The following CCDC85A variants were observed in gnomAD, a reference collection of about 807,000 sequenced individuals.
The protein encoded by CCDC85A is coiled-coil domain-containing protein 85A.
CCDC85A carries 38 observed loss-of-function variants against 50.2 expected under a neutral mutation model. That is an observed-to-expected ratio of 0.76 (90% CI 0.58 to 0.99). The LOEUF (loss-of-function observed/expected upper bound fraction) is 0.99. Ranked by LOEUF, CCDC85A falls within the 50% of genes least tolerant of loss-of-function variation. The pLI, the probability that CCDC85A is intolerant of heterozygous loss-of-function variation, is 0.00. For synonymous variants in CCDC85A, 366 were observed against 301.4 expected (o/e 1.21, Z -2.22); for missense variants, 820 against 742.0 (o/e 1.11, Z -1.22).
chr2:56,354,308 C>G (rs1000163977), intron 3 of CCDC85A, among the ~76,000 whole-genome samples: 2 of 152,086 alleles, frequency 1.3e-5, no homozygotes, highest in Non-Finnish European at 2.9e-5. Flanking sequence ...AAAGAGACGA[C>G]AAAGACATGA....
At chr2:56,250,764 T>C (rs1043905683) in intron 2 of CCDC85A, among the ~76,000 whole-genome samples, 3 of 152,204 alleles carry the variant, frequency 2.0e-5, no homozygotes, top group Non-Finnish European at 4.4e-5. Context: ...AAGTCTCTGT[T>C]CATTGAGTTA....
At chr2:56,255,030 G>A (rs1005014407) in intron 2 of CCDC85A, among the ~76,000 whole-genome samples, 18 of 152,120 alleles carry the variant, frequency 1.2e-4, no homozygotes, top group African/African-American at 3.9e-4. Flanking sequence ...CTGGGACACC[G>A]CTGATGAAGG....
rs117584579 is a variant in CCDC85A at position 56,307,067 on chromosome 2, G to A, written c.1241-35812G>A. On this transcript the variant is annotated intron_variant, in intron 2 of 5. Transcript: ENST00000407595. ...GATTAAGCATTTTATAAAAATTCAG[G>A]AACTACAGCCCAAATCAGAAAAATC... Among the ~76,000 whole-genome samples the A allele has an allele frequency of 1.3e-3, 199 of 152,036 alleles. 3 individuals are homozygous for A. The East Asian group carries it at 0.035, about 27-fold the overall frequency.
chr2:56,217,969 G>A (rs1400916267), intron 2 of CCDC85A, among the ~76,000 whole-genome samples: 1 of 151,786 alleles, frequency 6.6e-6, no homozygotes, highest in Non-Finnish European at 1.5e-5. Context: ...TTATGGAAAA[G>A]CATCATTGAA....
chr2:56,381,003 C>T (rs1041261986), intron 5 of CCDC85A, among the ~76,000 whole-genome samples: 14 of 152,068 alleles, frequency 9.2e-5, no homozygotes, highest in East Asian at 1.9e-4. Context: ...CAGACACTTA[C>T]GCATCAACCT....
intron 2 of CCDC85A, among the ~76,000 whole-genome samples, chr2:56,272,490 G>T (rs951981405): frequency 6.6e-6 from 1 of 152,116 alleles, no homozygotes; most frequent in Non-Finnish European, 1.5e-5. Flanking sequence ...ACCTAACATG[G>T]TCATGTGATA....
intron 2 of CCDC85A, among the ~76,000 whole-genome samples, chr2:56,237,584 G>A (rs1311382125): frequency 2.0e-5 from 3 of 152,048 alleles, no homozygotes; most frequent in South Asian, 2.1e-4. Context: ...GTACTTTATC[G>A]TCCCTATTTT....
At chr2:56,298,987 A>G (rs1459094489) in intron 2 of CCDC85A, among the ~76,000 whole-genome samples, 1 of 152,176 alleles carries the variant, frequency 6.6e-6, no homozygotes, top group Non-Finnish European at 1.5e-5. Context: ...TCTCATTACC[A>G]TTTGGGACAC....
intron 5 of CCDC85A, chr2:56,383,809 T>A (rs1020786461): frequency 3.7e-5 from 34 of 907,198 alleles, no homozygotes; most frequent in Non-Finnish European, 4.2e-5. Context: ...GGATGTATAA[T>A]ATAGGAACCA....
chr2:56,258,960 T>C (rs575705691), intron 2 of CCDC85A, among the ~76,000 whole-genome samples: 1 of 152,178 alleles, frequency 6.6e-6, no homozygotes, highest in Non-Finnish European at 1.5e-5. Context: ...AAGTTTAGGA[T>C]AATTGCTGAA....
Position 56,338,477 on chromosome 2 carries a change from G to A in CCDC85A, c.1241-4402G>A, listed in dbSNP as rs183226484. On this transcript the variant is annotated intron_variant, in intron 2 of 5. Transcript: ENST00000407595. ...GTCAATGTGTTCCAGTACCCAAAAGGCTTCTTTCTTCTCTTCCTCTCACCA... is the reference window on the plus strand; with the variant it reads ...GTCAATGTGTTCCAGTACCCAAAAGACTTCTTTCTTCTCTTCCTCTCACCA... Among the ~76,000 whole-genome samples, 485 of 152,190 alleles carry A rather than the reference G, an allele frequency of 3.2e-3. 2 individuals carry two copies. The highest frequency in any genetic ancestry group is 5.3e-3 in the Non-Finnish European group (362 of 68,014).
At chr2:56,222,055 G>C (rs955784203) in intron 2 of CCDC85A, among the ~76,000 whole-genome samples, 2 of 152,028 alleles carry the variant, frequency 1.3e-5, no homozygotes, top group Admixed American at 1.3e-4. Context: ...TGAGGACAGT[G>C]CCCTCAAAAA....
In CCDC85A at chr2:56,184,373, T is replaced by C. The variant is rs887067809; in HGVS notation, c.-252T>C. 2.3e-5 allele frequency: 11 copies of C among 479,184 alleles called. No individual in the cohort carries two copies. Among genetic ancestry groups the C allele is most frequent in the African/African-American group, 6.2e-5 (3 of 48,414 alleles). 29.7% of individuals were successfully genotyped at this position (479,184 alleles called of 1,614,324 possible). ...CCCCTCACCATGGACTTGCGCGGAG[T>C]TGGGACGGGCCTCGGCAGCAGCAAG... On this transcript the variant is annotated 5_prime_UTR_variant, in exon 1 of 6. Transcript: ENST00000407595.
intron 2 of CCDC85A, among the ~76,000 whole-genome samples, chr2:56,204,077 AG>A (rs1676856762): frequency 6.6e-6 from 1 of 152,224 alleles, no homozygotes; most frequent in Admixed American, 6.5e-5. Flanking sequence ...CTGAGTCAGT[AG>A]TACCAGAATT....
chr2:56,271,695 G>T (rs1311857168), intron 2 of CCDC85A, among the ~76,000 whole-genome samples: 2 of 152,164 alleles, frequency 1.3e-5, no homozygotes, highest in Non-Finnish European at 2.9e-5. Flanking sequence ...AACTGTCCAT[G>T]CCTGATGGGA....
chr2:56,307,626 C>G (rs1017508549), intron 2 of CCDC85A, among the ~76,000 whole-genome samples: 3 of 151,964 alleles, frequency 2.0e-5, no homozygotes, highest in African/African-American at 7.3e-5. Flanking sequence ...ATTTCTTATC[C>G]TTATAGTAAT....
At chr2:56,248,235 T>C (rs1285257511) in intron 2 of CCDC85A, among the ~76,000 whole-genome samples, 2 of 152,128 alleles carry the variant, frequency 1.3e-5, no homozygotes, top group East Asian at 1.9e-4. Context: ...GGAAGGATGA[T>C]AGATTTAGGA....
At position 56,195,473 on chromosome 2, in the gene CCDC85A, T is replaced by G. The variant is rs1226246618; in HGVS notation, c.1240+2033T>G. On this transcript the variant is annotated intron_variant, in intron 2 of 5. Coordinates refer to ENST00000407595, the MANE Select transcript of CCDC85A (RefSeq NM_001080433.2). The stretch of plus-strand genomic sequence containing the variant: ...AAGTGACCAATCTTATGCTGAGAGT[T>G]GATATCCTCAGAGTATATTTGCAGT... 2.0e-5 allele frequency among the ~76,000 whole-genome samples: 3 copies of G among 152,262 alleles called. No homozygotes were observed. In the East Asian group the frequency reaches 5.8e-4, roughly 29 times the overall value.
chr2:56,336,132 C>T (rs2104305129), intron 2 of CCDC85A, among the ~76,000 whole-genome samples: 1 of 152,092 alleles, frequency 6.6e-6, no homozygotes, highest in South Asian at 2.1e-4. Flanking sequence ...GATAATTTTC[C>T]TCATATACAC....
Sources: allele counts gnomAD v4.1 joint callset (sites outside exome capture counted in the v4.1 genomes callset), GRCh38; gene constraint gnomAD v4.1.1; transcripts MANE v1.5; gene names NCBI Gene and HGNC (gene_info 2026-07-23, HGNC 2026-07-21).